TOP2A: variants seen among roughly 807,000 people sequenced by gnomAD.
TOP2A encodes DNA topoisomerase II alpha.
Under a neutral mutation model 187.2 loss-of-function variants are expected in TOP2A, and 68 were observed. That is an observed-to-expected ratio of 0.36 (90% confidence interval 0.30 to 0.44). The LOEUF is 0.44. Among genes scored for constraint, TOP2A ranks in the 20% least tolerant of loss-of-function variants. The pLI is 1.00. For synonymous variants in TOP2A, 542 were observed against 593.2 expected (o/e 0.91, Z 1.25); for missense variants, 1,196 against 1,808.7 (o/e 0.66, Z 6.14).
intron 32 of TOP2A, 76 bp downstream of exon 32, chr17:40,391,992 A>G: frequency 4.8e-6 from 7 of 1,457,164 alleles, no homozygotes; most frequent in Non-Finnish European, 6.6e-6. Flanking sequence ...TGGATAATGT[A>G]GCCAGGATTA....
At position 40,417,886 on chromosome 17, in the gene TOP2A, G is replaced by T; in HGVS notation, c.-95C>A. 6.4e-7 allele frequency: 1 copy of T among 1,560,226 alleles called. No homozygotes were observed. Among genetic ancestry groups the T allele is most frequent in the Non-Finnish European group, 8.8e-7 (1 of 1,142,284 alleles). ...CCGACCAAGCCGCTTCTCCACAGAC[G>T]CGCGTCGGTTAGGAGAGCTCCACTT... On this transcript the variant is annotated 5_prime_UTR_variant, in exon 1 of 35. Coordinates refer to ENST00000423485, the MANE Select transcript of TOP2A (RefSeq NM_001067.4).
intron 16 of TOP2A, among the ~76,000 whole-genome samples, chr17:40,405,559 A>G (rs2035231247): frequency 6.8e-6 from 1 of 147,448 alleles, no homozygotes; most frequent in Admixed American, 6.9e-5. Context: ...GGTTCACGCC[A>G]TTCTCCTGCC....
Position 40,400,635 on chromosome 17 carries a change from G to C in TOP2A, c.2693C>G (p.Thr898Ser). The change falls in exon 22 of 35, where the codon ACT (threonine) becomes AGT (serine). Residue 898 changes from threonine (T) to serine (S), a missense_variant. By Grantham distance (58) the Thr-to-Ser change is moderately conservative. Transcript: ENST00000423485. ...MLPSYKNFKG[T>S]IEELAPNQYV... ...TTGATTTGGAGCCAGTTCTTCAATA[G>C]TACCCTTGAAGTTCTTGTAACTTGG... 6.2e-7 allele frequency: 1 copy of C among 1,603,564 alleles called. No individual in the cohort carries two copies. The highest frequency in any genetic ancestry group is 8.5e-7 in the Non-Finnish European group (1 of 1,176,632).
intron 33 of TOP2A, 77 bp downstream of exon 33, chr17:40,391,429 A>G: frequency 7.1e-7 from 1 of 1,400,026 alleles, no homozygotes; most frequent in Non-Finnish European, 9.6e-7. Context: ...AGTTTTGGCA[A>G]TAAAAAAATT....
rs1182951160 is a variant in TOP2A, at chr17:40,390,073, T to C, written c.4359A>G (p.Gln1453=). ...TCTTGGTTTTGGCAGGATCAGGCTTTTGAGAGACACCAGAATTCAAAGCTG... is the reference window on the plus strand; with the variant it reads ...TCTTGGTTTTGGCAGGATCAGGCTTCTGAGAGACACCAGAATTCAAAGCTG... The part of the protein sequence containing the change: ...RDPALNSGVS[Q]KPDPAKTKNR... Residue 1453 remains glutamine (Q), a synonymous_variant, in exon 34 of 35, where the codon CAA becomes CAG. Transcript: ENST00000423485. 4.3e-6 allele frequency: 7 copies of C among 1,613,912 alleles called. No homozygotes were observed. The highest frequency in any genetic ancestry group is 3.3e-5 in the Admixed American group (2 of 59,996).
intron 17 of TOP2A, 46 bp downstream of exon 17, chr17:40,404,745 G>A: frequency 7.9e-7 from 1 of 1,264,886 alleles, no homozygotes; most frequent in African/African-American, 1.5e-5. Flanking sequence ...AATACCAAAA[G>A]GTCAGTCTAA....
At chr17:40,409,779 CAAAAAA>C in intron 10 of TOP2A, 1 of 75,222 alleles carries the variant, frequency 1.3e-5, no homozygotes, top group Non-Finnish European at 2.7e-5. Context: ...GACTCTGTCT[CAAAAAA>C]AAAAAAAAAA....
chr17:40,407,014 A>C (rs772070885), intron 13 of TOP2A, 72 bp from the exon 14 acceptor site: 23 of 1,288,480 alleles, frequency 1.8e-5, no homozygotes, highest in African/African-American at 3.0e-5. Context: ...CTGTAATCCC[A>C]GAACTTTGGG....
Position 40,413,608 on chromosome 17 carries a change from C to A in TOP2A, c.350G>T (p.Ser117Ile). The change falls in exon 5 of 35, where the codon AGT becomes ATT. Residue 117 changes from serine to isoleucine, a missense_variant. Transcript: ENST00000423485. ...AATACCTTTTCCATTATTCCATATA[C>A]TAATTAAATTGTTTTCCCTAAGAAA... Reference protein sequence around the residue: ...VTIDPENNLISIWNNGKGIPV... With the variant: ...VTIDPENNLIIIWNNGKGIPV... The A allele has an allele frequency of 7.2e-7, 1 of 1,395,336 alleles. No individual in the cohort carries two copies. Among genetic ancestry groups the A allele is most frequent in the Non-Finnish European group, 9.7e-7 (1 of 1,032,374 alleles). The allele number at this position is 1,395,336 out of a possible 1,614,324, so 86.4% of individuals were successfully genotyped here. A position where few individuals can be genotyped will look rare whatever the true frequency, so the allele number is the denominator to read the frequency against.
rs968105127 is a variant in TOP2A at position 40,388,698 on chromosome 17, T to G, written c.*821A>C. ...TTGAAATTATGGAGATTTCCCAAAA[T>G]GAATCTAATAGCTCATTGCTGAGCA... On this transcript the variant is annotated 3_prime_UTR_variant, in exon 35 of 35. Transcript: ENST00000423485. 6 of 188,018 alleles carry G rather than the reference T, an allele frequency of 3.2e-5. No homozygotes were observed. The highest frequency in any genetic ancestry group is 1.4e-4 in the African/African-American group (6 of 42,816). The allele number at this position is 188,018 out of a possible 1,614,324, so 11.6% of individuals were successfully genotyped here.
chr17:40,388,989 G>A lies in TOP2A; in HGVS notation c.*530C>T, dbSNP rs1376557070. On this transcript the variant is annotated 3_prime_UTR_variant, in exon 35 of 35. Transcript: ENST00000423485. ...TGAAGAACATGAGCAATTTCTCATTGCTTAAAGAAAAACTTGGCACATAAG... is the reference window on the plus strand; with the variant it reads ...TGAAGAACATGAGCAATTTCTCATTACTTAAAGAAAAACTTGGCACATAAG... The A allele has an allele frequency of 4.7e-6, 1 of 214,848 alleles. No individual in the cohort carries two copies. Among genetic ancestry groups the A allele is most frequent in the Non-Finnish European group, 9.5e-6 (1 of 105,632 alleles). 13.3% of individuals were successfully genotyped at this position (214,848 alleles called of 1,614,324 possible).
At chr17:40,396,189 G>C in intron 28 of TOP2A, 94 bp downstream of exon 28, 1 of 629,494 alleles carries the variant, frequency 1.6e-6, no homozygotes, top group Non-Finnish European at 2.7e-6. Context: ...ACCATGTTGG[G>C]AGGCTGGTCT....
chr17:40,398,994 C>A (rs376255339), intron 25 of TOP2A, 46 bp downstream of exon 25: 538 of 1,595,860 alleles, frequency 3.4e-4, no homozygotes, highest in Non-Finnish European at 4.5e-4. Flanking sequence ...AAACATTGTA[C>A]AATACATAGT....
At chr17:40,398,110 C>CT (rs1048890086) in intron 27 of TOP2A, among the ~76,000 whole-genome samples, 1,664 of 127,650 alleles carry the variant, frequency 0.013, 17 homozygotes, top group African/African-American at 0.015. Flanking sequence ...TAATCTGTCC[C>CT]TTTTTTTTTT....
In TOP2A at chr17:40,400,058, C is replaced by A; in HGVS notation, c.3010G>T (p.Asp1004Tyr). The part of the protein sequence containing the change: ...SLTCNSMVLF[D>Y]HVGCLKKYDT... ...TATTTCTTTAAACAGCCTACGTGGT[C>A]AAAAAGCACCTGAAAAAGGAAAACA... is the stretch of plus-strand genomic sequence containing the variant. Residue 1004 changes from aspartate (D) to tyrosine (Y), a missense_variant, in exon 24 of 35, where the codon GAC becomes TAC. Around this residue, in one of 10 missense-constraint regions of TOP2A, gnomAD observed 232 missense variants for 306.1 expected, o/e 0.76. Transcript: ENST00000423485. 1 of 1,601,724 alleles carries A rather than the reference C, an allele frequency of 6.2e-7. No individual in the cohort carries two copies. Among genetic ancestry groups the A allele is most frequent in the South Asian group, 1.1e-5 (1 of 88,636 alleles).
chr17:40,392,274 A>G lies in TOP2A; in HGVS notation c.4032T>C (p.Asp1344=). 2.5e-6 allele frequency: 4 copies of G among 1,611,944 alleles called. No homozygotes were observed. Among genetic ancestry groups the G allele is most frequent in the Non-Finnish European group, 2.5e-6 (3 of 1,178,884 alleles). ...EDFSDFDEKT[D]DEDFVPSDAS... Reference sequence around the variant, plus strand: ...CATCTGATGGGACAAAATCTTCATCATCAGTTTTTTCATCAAAATCTGAGA... The same window carrying G: ...CATCTGATGGGACAAAATCTTCATCGTCAGTTTTTTCATCAAAATCTGAGA... Residue 1344 remains aspartate (D), a synonymous_variant, in exon 31 of 35, where the codon GAT becomes GAC. Transcript: ENST00000423485.
chr17:40,398,573 A>G lies in TOP2A; in HGVS notation c.3522T>C (p.Phe1174=), dbSNP rs1405240368. 2 of 1,581,938 alleles carry G rather than the reference A, an allele frequency of 1.3e-6. No individual in the cohort carries two copies. The highest frequency in any genetic ancestry group is 1.8e-5 in the Admixed American group (1 of 54,560). ...AACTACATACCTCCAATTCTTCAAT[A>G]AATGTAGCCAAGTCTTCTTTCCACA... is the stretch of plus-strand genomic sequence containing the variant. ...SDLWKEDLAT[F]IEELEAVEAK... The change falls in exon 27 of 35, where the codon TTT becomes TTC. Residue 1174 remains phenylalanine (F), a synonymous_variant. Coordinates refer to ENST00000423485, the MANE Select transcript of TOP2A (RefSeq NM_001067.4).
chr17:40,417,803 T>C lies in TOP2A; in HGVS notation c.-12A>G. On this transcript the variant is annotated 5_prime_UTR_variant, in exon 1 of 35. Coordinates refer to ENST00000423485, the MANE Select transcript of TOP2A (RefSeq NM_001067.4). ...GGTGACACTTCCATGGTGACGGTCG[T>C]GAAGGGGCTCAAGAACCCTGAAAGC... The C allele has an allele frequency of 6.2e-7, 1 of 1,613,376 alleles. No homozygotes were observed. The highest frequency in any genetic ancestry group is 8.5e-7 in the Non-Finnish European group (1 of 1,179,820).
chr17:40,417,018 G>A (rs1298214546), intron 1 of TOP2A, 123 bp from the exon 2 acceptor site: 2 of 850,376 alleles, frequency 2.4e-6, no homozygotes, highest in African/African-American at 1.7e-5. Flanking sequence ...AGTAGGCAGT[G>A]GTGGAGTTGC....
Sources: allele counts gnomAD v4.1 joint callset (sites outside exome capture counted in the v4.1 genomes callset), GRCh38; gene constraint gnomAD v4.1.1; regional missense constraint gnomAD v4.1.1; transcripts MANE v1.5; gene names NCBI Gene and HGNC (gene_info 2026-07-23, HGNC 2026-07-21).